Variants in RHBDF1 observed in about 807,000 individuals in gnomAD.
The protein encoded by RHBDF1 is rhomboid 5 homolog 1.
RHBDF1 carries 80 observed loss-of-function variants against 98.6 expected under a neutral mutation model. The observed-to-expected ratio is 0.81, with a 90% CI of 0.68 to 0.98. RHBDF1 has a LOEUF of 0.98. RHBDF1 is among the 50% of genes least tolerant of loss of function. The pLI, the probability that RHBDF1 is intolerant of heterozygous loss-of-function variation, is 0.00. For missense variants in RHBDF1, 1,116 were observed against 1,198.3 expected, an observed-to-expected ratio of 0.93 and a Z score of 1.01; for synonymous variants, 512 against 486.8, an observed-to-expected ratio of 1.05 and a Z score of -0.68.
At chr16:71,649 A>G (rs1235930534) in intron 1 of RHBDF1, among the ~76,000 whole-genome samples, 2 of 152,194 alleles carry the variant, frequency 1.3e-5, no homozygotes, top group East Asian at 3.9e-4. Context: ...CGGGACAGAC[A>G]CACACATTCA....
Position 61,687 on chromosome 16 carries a change from G to T in RHBDF1, c.1218C>A (p.Phe406Leu). The T allele has an allele frequency of 6.2e-7, 1 of 1,613,480 alleles. No individual in the cohort carries two copies. Among genetic ancestry groups the T allele is most frequent in the Non-Finnish European group, 8.5e-7 (1 of 1,179,894 alleles). ...AGTGCACGAAGGTAAGCCAGTAGGT[G>T]AAGAAGGGCCTGCGGGGTGGAGCGT... ...IEDMDDHRPF[F>L]TYWLTFVHSL... The change falls in exon 9 of 18, where the codon TTC (phenylalanine) becomes TTA (leucine). Residue 406 changes from phenylalanine to leucine, a missense_variant. Phe to Leu is a conservative substitution (Grantham distance 22, BLOSUM62 0). Coordinates refer to ENST00000262316, the MANE Select transcript of RHBDF1 (RefSeq NM_022450.5).
In RHBDF1 at chr16:61,936, G is replaced by A. The variant is rs780810982; in HGVS notation, c.1070C>T (p.Ala357Val). 3.8e-6 allele frequency: 6 copies of A among 1,598,986 alleles called. No individual in the cohort carries two copies. The highest frequency in any genetic ancestry group is 5.1e-6 in the Non-Finnish European group (6 of 1,179,148). ...TAGPRRGQRI[A>V]VPVRKLFARE... ...GGCGAAGAGCTTGCGCACCGGCACCGCGATACGCTGGCCCCGTCGCGGCCC... is the reference window on the plus strand; with the variant it reads ...GGCGAAGAGCTTGCGCACCGGCACCACGATACGCTGGCCCCGTCGCGGCCC... The change falls in exon 8 of 18, where the codon GCG becomes GTG. Residue 357 changes from alanine (A) to valine (V), a missense_variant. Physicochemically the swap from Ala to Val is moderately conservative, Grantham distance 64. Transcript: ENST00000262316.
chr16:63,026 T>C lies in RHBDF1; in HGVS notation c.619A>G (p.Lys207Glu), dbSNP rs1189781707. Residue 207 changes from lysine to glutamate, a missense_variant, in exon 5 of 18, where the codon AAG becomes GAG. Lys to Glu is a moderately conservative substitution (Grantham distance 56). Coordinates refer to ENST00000262316, the MANE Select transcript of RHBDF1 (RefSeq NM_022450.5). Reference sequence around the variant, plus strand: ...CTCATCTTGGCCACCGACTCTCGCTTGCGCCGCCGCGGGAGCCGGTGGAAA... The same window carrying C: ...CTCATCTTGGCCACCGACTCTCGCTCGCGCCGCCGCGGGAGCCGGTGGAAA... ...SGFHRLPRRR[K>E]RESVAKMSFR... 2 of 1,612,108 alleles carry C rather than the reference T, an allele frequency of 1.2e-6. No homozygotes were observed. The highest frequency in any genetic ancestry group is 4.5e-5 in the East Asian group (2 of 44,864).
Position 59,335 on chromosome 16 carries a change from A to G in RHBDF1, c.1908T>C (p.Asp636=). The change falls in exon 16 of 18, where the codon GAT becomes GAC. Residue 636 remains aspartate (D), a synonymous_variant. Transcript: ENST00000262316. ...GAAAAGGCAGGAGCCCACACACATC[A>G]TCCATGCAGTGCACCTGCGCAGAGC... ...ATLCSQVHCM[D]DVCGLLPFLN... 1 of 1,612,230 alleles carries G rather than the reference A, an allele frequency of 6.2e-7. No individual in the cohort carries two copies. The highest frequency in any genetic ancestry group is 8.5e-7 in the Non-Finnish European group (1 of 1,178,960).
chr16:58,602 T>C lies in RHBDF1; in HGVS notation c.2306A>G (p.Asn769Ser), dbSNP rs776068107. 1.7e-5 allele frequency: 28 copies of C among 1,613,168 alleles called. No individual in the cohort carries two copies. Among genetic ancestry groups the C allele is most frequent in the South Asian group, 1.4e-4 (13 of 91,052 alleles). The change falls in exon 18 of 18, where the codon AAC becomes AGC. Residue 769 changes from asparagine to serine, a missense_variant. Transcript: ENST00000262316. ...FTFGLLPWID[N>S]FAHISGFISG... Reference sequence around the variant, plus strand: ...GATGAACCCTGAGATGTGGGCAAAGTTGTCAATCCACGGCAGCAGCCCAAA... The same window carrying C: ...GATGAACCCTGAGATGTGGGCAAAGCTGTCAATCCACGGCAGCAGCCCAAA...
Position 63,793 on chromosome 16 carries a change from C to T in RHBDF1, c.256G>A (p.Ala86Thr), listed in dbSNP as rs746745461. 1.1e-5 allele frequency: 17 copies of T among 1,612,720 alleles called. No individual in the cohort carries two copies. Among genetic ancestry groups the T allele is most frequent in the South Asian group, 3.3e-5 (3 of 90,994 alleles). The change falls in exon 4 of 18, where the codon GCC becomes ACC. Residue 86 changes from alanine to threonine, a missense_variant. Transcript: ENST00000262316. Reference protein sequence around the residue: ...SITQTIRRGTADWFGVSKDSD... With the variant: ...SITQTIRRGTTDWFGVSKDSD... Reference sequence around the variant, plus strand: ...TCCTTGCTCACTCCAAACCAGTCGGCGGTCCCCCTGGCATGGCAGGGACTC... The same window carrying T: ...TCCTTGCTCACTCCAAACCAGTCGGTGGTCCCCCTGGCATGGCAGGGACTC...
chr16:58,934 G>T, intron 17 of RHBDF1, 40 bp downstream of exon 17: 1 of 1,607,406 alleles, frequency 6.2e-7, no homozygotes, highest in South Asian at 1.1e-5. Flanking sequence ...CAGGCTGCAG[G>T]TGCACACGGG....
rs1393106404 is a variant in RHBDF1 at position 63,139 on chromosome 16, T to C, written c.506A>G (p.Asp169Gly). Reference sequence around the variant, plus strand: ...GGCACTCAGGCCTTCCGCAGTGTCATCTGCCACACGGAAGGCACGGCCACG... The same window carrying C: ...GGCACTCAGGCCTTCCGCAGTGTCACCTGCCACACGGAAGGCACGGCCACG... ...LARGRAFRVADDTAEGLSAPH... is the reference protein window; with the variant it reads ...LARGRAFRVAGDTAEGLSAPH... Residue 169 changes from aspartate to glycine, a missense_variant, in exon 5 of 18, where the codon GAT becomes GGT. By Grantham distance (94) the Asp-to-Gly change is moderately conservative. Coordinates refer to ENST00000262316, the MANE Select transcript of RHBDF1 (RefSeq NM_022450.5). 6.3e-7 allele frequency: 1 copy of C among 1,597,544 alleles called. No homozygotes were observed. Among genetic ancestry groups the C allele is most frequent in the Non-Finnish European group, 8.5e-7 (1 of 1,173,062 alleles).
intron 9 of RHBDF1, 43 bp from the exon 10 acceptor site, chr16:61,502 C>A: frequency 6.2e-7 from 1 of 1,611,906 alleles, no homozygotes. Context: ...CCGACTCTGG[C>A]CCTCTCCTCC....
intron 1 of RHBDF1, among the ~76,000 whole-genome samples, chr16:66,412 T>A (rs1484244680): frequency 6.6e-6 from 1 of 152,070 alleles, no homozygotes; most frequent in Non-Finnish European, 1.5e-5. Context: ...GCAGCACAAT[T>A]AGAGACAGCC....
intron 3 of RHBDF1, 69 bp from the exon 4 acceptor site, chr16:63,869 TC>T: frequency 7.5e-7 from 1 of 1,330,400 alleles, no homozygotes; most frequent in South Asian, 1.2e-5. Flanking sequence ...TCAAAGGCCC[TC>T]CTCCGGGGCA....
At chr16:67,787 G>T (rs1223357812) in intron 1 of RHBDF1, among the ~76,000 whole-genome samples, 1 of 152,214 alleles carries the variant, frequency 6.6e-6, no homozygotes, top group East Asian at 1.9e-4. Context: ...ACTGATCACT[G>T]AACAACGCAG....
At position 59,413 on chromosome 16, in the gene RHBDF1, A is replaced by G; in HGVS notation, c.1893+6T>C. 6.2e-7 allele frequency: 1 copy of G among 1,613,654 alleles called. No individual in the cohort carries two copies. Among genetic ancestry groups the G allele is most frequent in the Non-Finnish European group, 8.5e-7 (1 of 1,179,802 alleles). ...GAGGGGAACGACGGACACTCTGCAGACCTACCTGAGAGCAGAGCGTGGCCT... is the reference window on the plus strand; with the variant it reads ...GAGGGGAACGACGGACACTCTGCAGGCCTACCTGAGAGCAGAGCGTGGCCT... On this transcript the variant is annotated splice_donor_region_variant and intron_variant, in intron 15 of 17. Coordinates refer to ENST00000262316, the MANE Select transcript of RHBDF1 (RefSeq NM_022450.5).
chr16:72,539 C>G lies in RHBDF1; in HGVS notation c.-51G>C, dbSNP rs1291704991. The G allele has an allele frequency of 1.1e-6, 1 of 888,056 alleles. No individual in the cohort carries two copies. Among genetic ancestry groups the G allele is most frequent in the Admixed American group, 1.6e-4 (1 of 6,250 alleles). 55.0% of individuals were successfully genotyped at this position (888,056 alleles called of 1,614,324 possible). A position where few individuals can be genotyped will look rare whatever the true frequency, so the allele number is the denominator to read the frequency against. ...GCCGCCGCCGGGGGCTCTGGGGGGTCCTGAGGGCGCCGGGGAGGAGGCTGC... is the reference window on the plus strand; with the variant it reads ...GCCGCCGCCGGGGGCTCTGGGGGGTGCTGAGGGCGCCGGGGAGGAGGCTGC... On this transcript the variant is annotated 5_prime_UTR_variant, in exon 1 of 18. Coordinates refer to ENST00000262316, the MANE Select transcript of RHBDF1 (RefSeq NM_022450.5).
chr16:59,882 C>T (rs1405449063), intron 13 of RHBDF1, 56 bp from the exon 14 acceptor site: 6 of 1,612,214 alleles, frequency 3.7e-6, no homozygotes, highest in African/African-American at 1.3e-5. Context: ...TTTGGCCCCA[C>T]ACCACGTTTG....
In RHBDF1 at chr16:59,336, TC is replaced by T; in HGVS notation, c.1906del (p.Asp636MetfsTer42). On this transcript the variant is annotated frameshift_variant, in exon 16 of 18. Transcript: ENST00000262316. LOFTEE classifies it high-confidence loss of function. ...ATLCSQVHCM[D>X]DVCGLLPFLN... ...AAAAGGCAGGAGCCCACACACATCA[TC>T]CATGCAGTGCACCTGCGCAGAGCAG... 6.2e-7 allele frequency: 1 copy of T among 1,612,120 alleles called. No homozygotes were observed. The highest frequency in any genetic ancestry group is 8.5e-7 in the Non-Finnish European group (1 of 1,178,916).
chr16:70,013 G>GC (rs1897930381), intron 1 of RHBDF1, among the ~76,000 whole-genome samples: 3 of 132,250 alleles, frequency 2.3e-5, no homozygotes, highest in African/African-American at 3.4e-5. Context: ...TTGGCAGGAG[G>GC]GGGGGGGGCA....
Position 61,397 on chromosome 16 carries a change from G to C in RHBDF1, c.1383C>G (p.Ile461Met). ...VKYVQQENFWIGPSSEALIHL... is the reference protein window; with the variant it reads ...VKYVQQENFWMGPSSEALIHL... ...GCCCCGTCCTCACCGAGCTGGGCCC[G>C]ATCCAGAAGTTCTCCTGCTGCACGT... is the stretch of plus-strand genomic sequence containing the variant. The change falls in exon 10 of 18, where the codon ATC becomes ATG. Residue 461 changes from isoleucine (I) to methionine (M), a missense_variant. Transcript: ENST00000262316. 1 of 1,589,296 alleles carries C rather than the reference G, an allele frequency of 6.3e-7. No individual in the cohort carries two copies. Among genetic ancestry groups the C allele is most frequent in the Non-Finnish European group, 8.6e-7 (1 of 1,166,836 alleles).
At chr16:60,307 C>T (rs769472969) in intron 12 of RHBDF1, 28 bp from the exon 13 acceptor site, 23 of 1,613,416 alleles carry the variant, frequency 1.4e-5, no homozygotes, top group Admixed American at 1.0e-4. Context: ...GTGGTCAGAC[C>T]GGCTTCGAGC....
Sources: gnomAD v4.1 joint callset for allele counts (sites outside exome capture counted in the v4.1 genomes callset) on GRCh38, gnomAD v4.1.1 for gene constraint, MANE v1.5 for transcripts, NCBI Gene and HGNC (gene_info 2026-07-23, HGNC 2026-07-21) for gene names.